TTC28: variants seen among roughly 807,000 people sequenced by gnomAD.
TTC28 encodes tetratricopeptide repeat domain 28.
A neutral mutation model predicts 198.0 loss-of-function variants in TTC28; 61 were observed. That is an observed-to-expected ratio of 0.31 (90% CI 0.25 to 0.38). TTC28 has a LOEUF of 0.38. TTC28 is among the 10% of genes least tolerant of loss of function. The pLI is 1.00. For missense variants in TTC28, 2,678 were observed against 3,164.0 expected (o/e 0.85, Z 3.69); for synonymous variants, 1,171 against 1,297.8 (o/e 0.90, Z 2.10).
At chr22:28,558,192 C>G (rs1352615313) in intron 2 of TTC28, among the ~76,000 whole-genome samples, 1 of 152,148 alleles carries the variant, frequency 6.6e-6, no homozygotes, top group African/African-American at 2.4e-5. Flanking sequence ...CTTATCTATG[C>G]TCATCTTTTA....
chr22:28,122,184 G>T (rs1203191221), intron 6 of TTC28, among the ~76,000 whole-genome samples: 1 of 152,100 alleles, frequency 6.6e-6, no homozygotes. Context: ...TTTGATAAAG[G>T]GATACAGAAG....
intron 12 of TTC28, among the ~76,000 whole-genome samples, chr22:28,088,028 G>C (rs1601605320): frequency 6.6e-6 from 1 of 152,232 alleles, no homozygotes; most frequent in African/African-American, 2.4e-5. Context: ...CAAACAAATG[G>C]AAGAACATTC....
At chr22:28,214,975 C>G (rs1351091873) in intron 5 of TTC28, among the ~76,000 whole-genome samples, 2 of 152,164 alleles carry the variant, frequency 1.3e-5, no homozygotes, top group African/African-American at 4.8e-5. Context: ...AGTTCACGTC[C>G]TTCGTAGGGA....
At chr22:28,340,228 T>C (rs953261089) in intron 2 of TTC28, among the ~76,000 whole-genome samples, 11 of 152,022 alleles carry the variant, frequency 7.2e-5, no homozygotes, top group African/African-American at 2.7e-4. Context: ...ATTTCTAAAG[T>C]GAGGGGTTGG....
intron 2 of TTC28, among the ~76,000 whole-genome samples, chr22:28,625,722 G>C (rs1461223414): frequency 6.6e-6 from 1 of 152,016 alleles, no homozygotes; most frequent in African/African-American, 2.4e-5. Flanking sequence ...CAAAAATATA[G>C]AATAGCCAAA....
At chr22:28,322,078 C>T (rs1601626683) in intron 2 of TTC28, among the ~76,000 whole-genome samples, 2 of 152,140 alleles carry the variant, frequency 1.3e-5, no homozygotes, top group South Asian at 4.1e-4. Flanking sequence ...GATCTGCCTG[C>T]CTCAGCCTCC....
At chr22:28,377,864 C>T (rs2146014343) in intron 2 of TTC28, among the ~76,000 whole-genome samples, 1 of 151,874 alleles carries the variant, frequency 6.6e-6, no homozygotes, top group East Asian at 1.9e-4. Context: ...AATAATAAAC[C>T]AATAAAAATG....
At chr22:28,368,582 T>C (rs1009220168) in intron 2 of TTC28, among the ~76,000 whole-genome samples, 1 of 151,870 alleles carries the variant, frequency 6.6e-6, no homozygotes, top group Non-Finnish European at 1.5e-5. Context: ...AGGGCATCCA[T>C]ACTAAAACAG....
intron 2 of TTC28, among the ~76,000 whole-genome samples, chr22:28,420,460 G>C (rs915078079): frequency 6.7e-6 from 1 of 148,574 alleles, no homozygotes; most frequent in African/African-American, 2.5e-5. Flanking sequence ...CTTAAAGAGA[G>C]AGACCATGTA....
At chr22:28,483,235 A>G (rs2048276700) in intron 2 of TTC28, among the ~76,000 whole-genome samples, 1 of 152,124 alleles carries the variant, frequency 6.6e-6, no homozygotes, top group Non-Finnish European at 1.5e-5. Flanking sequence ...AAACAAGTAA[A>G]TCATTAATTA....
At chr22:28,429,439 G>A (rs1304086774) in intron 2 of TTC28, among the ~76,000 whole-genome samples, 1 of 152,110 alleles carries the variant, frequency 6.6e-6, no homozygotes, top group Non-Finnish European at 1.5e-5. Context: ...TCGATTTACT[G>A]TAGCCAAAGA....
intron 5 of TTC28, among the ~76,000 whole-genome samples, chr22:28,219,600 G>A (rs1178292802): frequency 6.6e-6 from 1 of 152,010 alleles, no homozygotes; most frequent in Admixed American, 6.6e-5. Flanking sequence ...CTCAGTAGGT[G>A]TTCACGAAAT....
intron 2 of TTC28, among the ~76,000 whole-genome samples, chr22:28,439,250 T>A (rs2047575264): frequency 6.6e-6 from 1 of 152,160 alleles, no homozygotes; most frequent in Non-Finnish European, 1.5e-5. Flanking sequence ...ACCAAAAGAT[T>A]ACAACCAATA....
Position 27,999,131 on chromosome 22 carries a change from C to G in TTC28, c.4528G>C (p.Glu1510Gln). The G allele has an allele frequency of 6.4e-7, 1 of 1,550,570 alleles. No homozygotes were observed. Among genetic ancestry groups the G allele is most frequent in the East Asian group, 2.4e-5 (1 of 40,922 alleles). ...AGCAGCTCGGACACCATGTAGGCCTCTTCCTCGGCCGATGGCATGGGCCCC... is the reference window on the plus strand; with the variant it reads ...AGCAGCTCGGACACCATGTAGGCCTGTTCCTCGGCCGATGGCATGGGCCCC... ...LWGPMPSAEE[E>Q]AYMVSELLGC... The change falls in exon 16 of 23, where the codon GAG becomes CAG. Residue 1510 changes from glutamate to glutamine, a missense_variant. Transcript: ENST00000397906.
chr22:28,554,034 A>C (rs1374651574), intron 2 of TTC28, among the ~76,000 whole-genome samples: 12 of 152,146 alleles, frequency 7.9e-5, no homozygotes, highest in Non-Finnish European at 1.6e-4. Context: ...TACTAAGAAA[A>C]ATTCTTCTGC....
chr22:28,080,459 T>C (rs775301464), intron 12 of TTC28, among the ~76,000 whole-genome samples: 1 of 152,222 alleles, frequency 6.6e-6, no homozygotes, highest in African/African-American at 2.4e-5. Flanking sequence ...TCTTTACATA[T>C]GCTTGTTGCT....
intron 2 of TTC28, among the ~76,000 whole-genome samples, chr22:28,500,725 G>A (rs968227201): frequency 5.3e-5 from 8 of 152,088 alleles, no homozygotes; most frequent in African/African-American, 1.9e-4. Context: ...ATTTTCATTA[G>A]CAGTAACAAT....
intron 2 of TTC28, 107 bp from the exon 3 acceptor site, chr22:28,306,750 T>G: frequency 7.3e-6 from 9 of 1,234,172 alleles, no homozygotes; most frequent in Non-Finnish European, 1.0e-5. Context: ...GAGATGTACT[T>G]GATTTAAAAA....
intron 5 of TTC28, among the ~76,000 whole-genome samples, chr22:28,166,648 G>A (rs920552637): frequency 1.3e-5 from 2 of 152,206 alleles, no homozygotes; most frequent in Non-Finnish European, 2.9e-5. Flanking sequence ...CAACATGCCA[G>A]AATCTCTGGG....
Sources: allele counts gnomAD v4.1 joint callset (sites outside exome capture counted in the v4.1 genomes callset), GRCh38; gene constraint gnomAD v4.1.1; transcripts MANE v1.5; gene names NCBI Gene and HGNC (gene_info 2026-07-23, HGNC 2026-07-21).